Variants in SH3BP4 observed in about 807,000 individuals in gnomAD.
The protein encoded by SH3BP4 is SH3 domain binding protein 4, also known as SH3 domain-binding protein 4.
In SH3BP4, 33 loss-of-function variants were observed where a neutral mutation model predicts 65.5. The ratio of observed to expected loss-of-function variants is 0.50; its 90% CI spans 0.38 to 0.67. The LOEUF (loss-of-function observed/expected upper bound fraction) is 0.67, where lower values mean the gene tolerates loss of function less well. SH3BP4 is among the 30% of genes least tolerant of loss of function. The pLI is 0.00. For missense variants in SH3BP4, 1,134 were observed against 1,261.4 expected, an observed-to-expected ratio of 0.90 and a Z score of 1.53; for synonymous variants, 552 against 545.5, an observed-to-expected ratio of 1.01 and a Z score of -0.17.
intron 1 of SH3BP4, among the ~76,000 whole-genome samples, chr2:234,973,614 A>G (rs1693064402): frequency 6.6e-6 from 1 of 151,244 alleles, no homozygotes; most frequent in African/African-American, 2.4e-5. Context: ...CACTTAATTC[A>G]GCTGTAGGCT....
In SH3BP4 at chr2:235,052,650, G is replaced by A. The variant is rs139519179; in HGVS notation, c.2567G>A (p.Arg856His). 1.0e-4 allele frequency: 162 copies of A among 1,586,394 alleles called. No homozygotes were observed. The highest frequency in any genetic ancestry group is 2.8e-4 in the African/African-American group (21 of 74,134). Residue 856 changes from arginine (R) to histidine (H), a missense_variant, in exon 5 of 6, where the codon CGC becomes CAC. Physicochemically the swap from Arg to His is conservative, Grantham distance 29. Coordinates refer to ENST00000392011, the MANE Select transcript of SH3BP4 (RefSeq NM_014521.3). The surrounding 1 kb of genome is among the most constrained non-coding windows in gnomAD (Gnocchi z 5.0). Reference sequence around the variant, plus strand: ...ACCACGGCTGTAGAGGTGGCCCAGCGCTGGCGGGAGCTGGCTGAGAAGCTG... The same window carrying A: ...ACCACGGCTGTAGAGGTGGCCCAGCACTGGCGGGAGCTGGCTGAGAAGCTG... ...LLTTAVEVAQ[R>H]WRELAEKLAK...
In SH3BP4 at chr2:235,034,514, A is replaced by G. The variant is rs565524890; in HGVS notation, c.-132-357A>G. On this transcript the variant is annotated intron_variant, in intron 2 of 5. Coordinates refer to ENST00000392011, the MANE Select transcript of SH3BP4 (RefSeq NM_014521.3). This position sits in a 1 kb window ranked among gnomAD's most constrained non-coding sequence, Gnocchi z 6.2. ...TCCTTTTCCGAGCCCTGCAGCTAGC[A>G]GCATGAACTGTACAGTCCTGCGCTG... Among the ~76,000 whole-genome samples, 7 of 152,314 alleles carry G rather than the reference A, an allele frequency of 4.6e-5. 1 individual carries two copies. The East Asian group carries it at 1.4e-3, about 29-fold the overall frequency.
intron 1 of SH3BP4, among the ~76,000 whole-genome samples, chr2:234,980,118 G>A (rs1421395656): frequency 1.3e-5 from 2 of 152,210 alleles, no homozygotes; most frequent in African/African-American, 2.4e-5. Context: ...ACCTGTAGTT[G>A]TAGTTCATCT....
chr2:234,958,741 A>C (rs4429425), intron 1 of SH3BP4, among the ~76,000 whole-genome samples: 1 of 151,872 alleles, frequency 6.6e-6, no homozygotes. Flanking sequence ...GACAGTTCTG[A>C]GTCTATCATG....
At chr2:235,018,716 A>T (rs1042398869) in intron 2 of SH3BP4, among the ~76,000 whole-genome samples, 1 of 152,028 alleles carries the variant, frequency 6.6e-6, no homozygotes, top group Admixed American at 6.6e-5. Context: ...GGTTCCAGTT[A>T]CTTTTTTAAA....
At chr2:235,037,422 T>A (rs1695421298) in intron 3 of SH3BP4, among the ~76,000 whole-genome samples, 1 of 152,198 alleles carries the variant, frequency 6.6e-6, no homozygotes. Flanking sequence ...GAGTGAGATC[T>A]GTGACCATTT....
rs768462191 is a variant in SH3BP4 at position 235,043,193 on chromosome 2, C to T, written c.2424C>T (p.Asp808=). ...CCGTCCTAGAAAAGCTGAAGGAGGA[C>T]TGTAACAACACTGAGAACAAAGAAC... ...VASVLEKLKE[D]CNNTENKERK... Residue 808 remains aspartate (D), a synonymous_variant, in exon 4 of 6, where the codon GAC becomes GAT. Coordinates refer to ENST00000392011, the MANE Select transcript of SH3BP4 (RefSeq NM_014521.3). The T allele has an allele frequency of 3.1e-6, 5 of 1,606,234 alleles. No homozygotes were observed. The highest frequency in any genetic ancestry group is 4.3e-6 in the Non-Finnish European group (5 of 1,174,990).
intron 1 of SH3BP4, among the ~76,000 whole-genome samples, chr2:234,985,122 A>G (rs1029363098): frequency 2.0e-5 from 3 of 152,176 alleles, no homozygotes; most frequent in Non-Finnish European, 4.4e-5. Context: ...ATAGCGGAGC[A>G]CCTGCAGATC....
chr2:235,044,486 G>A lies in SH3BP4; in HGVS notation c.2478+1239G>A, dbSNP rs565792646. On this transcript the variant is annotated intron_variant, in intron 4 of 5. Coordinates refer to ENST00000392011, the MANE Select transcript of SH3BP4 (RefSeq NM_014521.3). The stretch of plus-strand genomic sequence containing the variant: ...TGTGGACTTCTCCCTGTGATAGAAC[G>A]GAGTCCACCCCTATCCTCCGGAGAG... Among the ~76,000 whole-genome samples, 188 of 152,334 alleles carry A rather than the reference G, an allele frequency of 1.2e-3. 2 individuals are homozygous for A. Among genetic ancestry groups the A allele is most frequent in the African/African-American group, 4.2e-3 (175 of 41,574 alleles).
chr2:235,027,349 C>T (rs1676170796), intron 2 of SH3BP4, among the ~76,000 whole-genome samples: 1 of 152,104 alleles, frequency 6.6e-6, no homozygotes, highest in Admixed American at 6.5e-5. Flanking sequence ...TCCCACCCAC[C>T]CCAGGCCCCG....
At chr2:235,020,663 C>T (rs533973872) in intron 2 of SH3BP4, among the ~76,000 whole-genome samples, 2 of 152,136 alleles carry the variant, frequency 1.3e-5, no homozygotes, top group African/African-American at 4.8e-5. Context: ...CATTTTGAGT[C>T]CTCTTCCGAC....
At chr2:234,980,301 AC>A (rs1438037864) in intron 1 of SH3BP4, among the ~76,000 whole-genome samples, 2 of 152,222 alleles carry the variant, frequency 1.3e-5, no homozygotes, top group African/African-American at 4.8e-5. Context: ...AATTAGGCAC[AC>A]TGAGAGATGA....
chr2:235,036,740 A>AATAATAATAATAATAATAATAAT lies in SH3BP4; in HGVS notation c.118+1621_118+1622insTAATAATAATAATAATAATAATA, dbSNP rs1553567013. Among the ~76,000 whole-genome samples the AATAATAATAATAATAATAATAAT allele has an allele frequency of 2.7e-3, 378 of 141,768 alleles. 1 individual carries two copies. The Middle Eastern group carries it at 0.029, about 11-fold the overall frequency. The allele number at this position is 141,768 out of a possible 152,430, so 93.0% of individuals were successfully genotyped here. A position where few individuals can be genotyped will look rare whatever the true frequency, so the allele number is the denominator to read the frequency against. The stretch of plus-strand genomic sequence containing the variant: ...ACTGCACTCTGAGACTCTATATAAA[A>AATAATAATAATAATAATAATAAT]AATAATAATAATAATAATGACAGTG... On this transcript the variant is annotated intron_variant, in intron 3 of 5. Coordinates refer to ENST00000392011, the MANE Select transcript of SH3BP4 (RefSeq NM_014521.3).
chr2:235,040,307 T>C (rs537191429), intron 3 of SH3BP4, among the ~76,000 whole-genome samples: 7 of 152,258 alleles, frequency 4.6e-5, no homozygotes, highest in Non-Finnish European at 8.8e-5. Flanking sequence ...ATTCTTACTT[T>C]ATCTGAGGAA....
At chr2:234,959,270 C>T (rs1197657921) in intron 1 of SH3BP4, among the ~76,000 whole-genome samples, 3 of 152,130 alleles carry the variant, frequency 2.0e-5, no homozygotes, top group Admixed American at 2.0e-4. Flanking sequence ...GTCTGTTGTC[C>T]CCCTAGGCAG....
chr2:234,971,811 T>A (rs1270939464), intron 1 of SH3BP4, among the ~76,000 whole-genome samples: 3 of 152,196 alleles, frequency 2.0e-5, no homozygotes, highest in Non-Finnish European at 4.4e-5. Flanking sequence ...GTTTTCCTTT[T>A]TCTTTTTTTC....
At chr2:235,047,462 G>C (rs180703803) in intron 4 of SH3BP4, among the ~76,000 whole-genome samples, 332 of 152,358 alleles carry the variant, frequency 2.2e-3, no homozygotes, top group Admixed American at 4.4e-3. Flanking sequence ...AAGAGGAGGG[G>C]CAGCGTCTGG....
intron 2 of SH3BP4, among the ~76,000 whole-genome samples, chr2:235,031,461 G>C (rs1225947053): frequency 1.3e-5 from 2 of 152,200 alleles, no homozygotes; most frequent in African/African-American, 4.8e-5. Flanking sequence ...AAACGACATT[G>C]CTGCTTCCAT....
rs1457512651 is a variant in SH3BP4, at chr2:234,952,827, T to TAG, written c.-207+660_-207+661dup. 2 of 152,118 alleles carry TAG rather than the reference T, an allele frequency of 1.3e-5. No individual in the cohort carries two copies. The highest frequency in any genetic ancestry group is 4.8e-5 in the African/African-American group (2 of 41,422). The allele number at this position is 152,118 out of a possible 1,614,324, so 9.4% of individuals were successfully genotyped here. A position where few individuals can be genotyped will look rare whatever the true frequency, so the allele number is the denominator to read the frequency against. ...GCCCGCGGGCGGGGACCGGCTGGGATAGAGGCGCGTTGTTCTCTGAGCGAT... is the reference window on the plus strand; with the variant it reads ...GCCCGCGGGCGGGGACCGGCTGGGATAGAGAGGCGCGTTGTTCTCTGAGCGAT... On this transcript the variant is annotated intron_variant, in intron 1 of 5. Coordinates refer to ENST00000392011, the MANE Select transcript of SH3BP4 (RefSeq NM_014521.3). The surrounding 1 kb of genome is among the most constrained non-coding windows in gnomAD (Gnocchi z 6.5).
Sources: allele counts gnomAD v4.1 joint callset (sites outside exome capture counted in the v4.1 genomes callset), GRCh38; gene constraint gnomAD v4.1.1; non-coding constraint Gnocchi (gnomAD v3.1); transcripts MANE v1.5; gene names NCBI Gene and HGNC (gene_info 2026-07-23, HGNC 2026-07-21).